LARP1: variants seen among roughly 807,000 people sequenced by gnomAD.
The protein encoded by LARP1 is la-related protein 1.
A neutral mutation model predicts 122.7 loss-of-function variants in LARP1; 36 were observed. The ratio of observed to expected loss-of-function variants is 0.29; its 90% confidence interval spans 0.22 to 0.39. The LOEUF is 0.39. Ranked by LOEUF, LARP1 falls within the 10% of genes least tolerant of loss-of-function variation. The pLI is 1.00. For missense variants in LARP1, 1,040 were observed against 1,403.6 expected (o/e 0.74, Z 4.14); for synonymous variants, 539 against 528.7 (o/e 1.02, Z -0.27).
At chr5:154,797,070 T>C (rs1031853337) in intron 8 of LARP1, among the ~76,000 whole-genome samples, 3 of 152,152 alleles carry the variant, frequency 2.0e-5, no homozygotes, top group Non-Finnish European at 2.9e-5. Context: ...AAAGGAATTC[T>C]AGTTCCTTTC....
chr5:154,814,885 CG>C lies in LARP1; in HGVS notation c.*790del, dbSNP rs1561642950. The C allele has an allele frequency of 6.7e-6, 1 of 148,452 alleles. No individual in the cohort carries two copies. The highest frequency in any genetic ancestry group is 2.5e-5 in the African/African-American group (1 of 40,064). The allele number at this position is 148,452 out of a possible 1,614,324, so 9.2% of individuals were successfully genotyped here. A position where few individuals can be genotyped will look rare whatever the true frequency, so the allele number is the denominator to read the frequency against. On this transcript the variant is annotated 3_prime_UTR_variant, in exon 19 of 19. Coordinates refer to ENST00000518297, the MANE Select transcript of LARP1 (RefSeq NM_033551.3). ...GAAAAAAGAAGAAAAAAGACAAAAT[CG>C]ACCATAAAAGACCAAAAAAAAAAAA...
intron 1 of LARP1, among the ~76,000 whole-genome samples, chr5:154,750,220 A>C (rs970033919): frequency 6.6e-6 from 1 of 152,220 alleles, no homozygotes; most frequent in Middle Eastern, 3.4e-3. Context: ...ACGGGGTCTC[A>C]CTCTATTCCC....
chr5:154,764,851 G>A (rs1754790835), intron 1 of LARP1, among the ~76,000 whole-genome samples: 1 of 148,696 alleles, frequency 6.7e-6, no homozygotes, highest in Admixed American at 6.7e-5. Context: ...GTTGCAGTGA[G>A]CCGAGATCAT....
chr5:154,809,480 G>T (rs1424295130), intron 16 of LARP1, among the ~76,000 whole-genome samples: 2 of 151,384 alleles, frequency 1.3e-5, no homozygotes, highest in African/African-American at 4.9e-5. Flanking sequence ...AAGCTTCCTA[G>T]TTTCTTCTTG....
At chr5:154,745,178 G>A (rs1582264329) in intron 1 of LARP1, among the ~76,000 whole-genome samples, 4 of 151,926 alleles carry the variant, frequency 2.6e-5, no homozygotes, top group South Asian at 4.2e-4. Flanking sequence ...CGCCCGCCTC[G>A]GCCTCCCAAA....
At position 154,803,264 on chromosome 5, in the gene LARP1, C is replaced by A; in HGVS notation, c.2110-26C>A. The A allele has an allele frequency of 6.2e-7, 1 of 1,614,150 alleles. No homozygotes were observed. The highest frequency in any genetic ancestry group is 8.5e-7 in the Non-Finnish European group (1 of 1,180,018). On this transcript the variant is annotated intron_variant, in intron 11 of 18. Coordinates refer to ENST00000518297, the MANE Select transcript of LARP1 (RefSeq NM_033551.3). This position sits in a 1 kb window ranked among gnomAD's most constrained non-coding sequence, Gnocchi z 4.4. ...GAGCAGCCTGCTTACTTACATCTTT[C>A]CCCACTCATCTCATGACCTCTGCAG...
At chr5:154,764,618 A>G (rs1006372566) in intron 1 of LARP1, among the ~76,000 whole-genome samples, 2 of 150,074 alleles carry the variant, frequency 1.3e-5, no homozygotes, top group Admixed American at 1.3e-4. Flanking sequence ...AAAAAAAAAA[A>G]AACTGGCTGG....
At chr5:154,729,480 G>T (rs1319572970) in intron 1 of LARP1, 1 of 389,000 alleles carries the variant, frequency 2.6e-6, no homozygotes, top group Admixed American at 3.1e-5. Context: ...CTTGCCAAGA[G>T]AATTAATCTG....
chr5:154,754,366 T>A (rs1032241551), upstream of LARP1, among the ~76,000 whole-genome samples: 29 of 152,164 alleles, frequency 1.9e-4, no homozygotes, highest in African/African-American at 6.8e-4. Flanking sequence ...ACTGCTGTCA[T>A]ACACTGCTCC....
intron 1 of LARP1, among the ~76,000 whole-genome samples, chr5:154,724,685 G>A (rs1554080742): frequency 2.2e-5 from 3 of 137,560 alleles, no homozygotes; most frequent in Non-Finnish European, 3.2e-5. Context: ...TTTTTTTTTA[G>A]GACAAGGTCT....
At chr5:154,795,834 TTTTATATATA>T (rs1236359737) in intron 8 of LARP1, among the ~76,000 whole-genome samples, 16 of 136,344 alleles carry the variant, frequency 1.2e-4, no homozygotes, top group African/African-American at 4.1e-4. Context: ...TATATATATA[TTTTATATATA>T]TTTATATATA....
rs190803089 is a variant in LARP1 at position 154,745,724 on chromosome 5, C to T, written c.205+32594C>T. Among the ~76,000 whole-genome samples, 6 of 151,688 alleles carry T rather than the reference C, an allele frequency of 4.0e-5. No individual in the cohort carries two copies. The East Asian group carries it at 9.7e-4, about 24-fold the overall frequency. ...TTTTACAGATGGAGACACTGAAACT[C>T]AGAGAAAGAAAGTGACTTGCCTGAG... is the stretch of plus-strand genomic sequence containing the variant. On this transcript the variant is annotated intron_variant, in intron 1 of 18. Coordinates refer to the LARP1 transcript ENST00000336314.
Position 154,756,179 on chromosome 5 carries a change from G to C in LARP1, c.422G>C (p.Gly141Ala). Residue 141 changes from glycine (G) to alanine (A), a missense_variant, in exon 1 of 19, where the codon GGA (glycine) becomes GCA (alanine). By Grantham distance (60) the Gly-to-Ala change is moderately conservative. This residue lies in a region of LARP1 where 257 missense variants were observed against 273.3 expected (regional missense o/e 0.94). Coordinates refer to ENST00000518297, the MANE Select transcript of LARP1 (RefSeq NM_033551.3). ...ALPPVLTTVN[G>A]QSPPEHSAPA... The stretch of plus-strand genomic sequence containing the variant: ...CCGCCGGTCCTGACCACCGTGAACG[G>C]ACAGTCCCCCCCAGGTGGGTCTCCC... 1.5e-6 allele frequency: 2 copies of C among 1,309,746 alleles called. No individual in the cohort carries two copies. Among genetic ancestry groups the C allele is most frequent in the Non-Finnish European group, 2.0e-6 (2 of 995,382 alleles). 81.1% of individuals were successfully genotyped at this position (1,309,746 alleles called of 1,614,324 possible). A position where few individuals can be genotyped will look rare whatever the true frequency, so the allele number is the denominator to read the frequency against.
rs1313191266 is a variant in LARP1, at chr5:154,815,989, G to C, written c.*1893G>C. ...CCTTTTCAACTGGTTCCTCTGTTGG[G>C]CCCAAAGGTTGGGAGTAGGAGACAG... On this transcript the variant is annotated 3_prime_UTR_variant, in exon 19 of 19. Transcript: ENST00000518297. 6.6e-6 allele frequency: 1 copy of C among 152,274 alleles called. No homozygotes were observed. Among genetic ancestry groups the C allele is most frequent in the South Asian group, 2.1e-4 (1 of 4,832 alleles). 9.4% of individuals were successfully genotyped at this position (152,274 alleles called of 1,614,324 possible).
At chr5:154,697,817 T>G (rs114779583) in intron 1 of LARP1, among the ~76,000 whole-genome samples, 1,747 of 152,228 alleles carry the variant, frequency 0.011, 27 homozygotes, top group African/African-American at 0.039. Context: ...GGATTTGTTT[T>G]TTGTTTGTTG....
intron 1 of LARP1, among the ~76,000 whole-genome samples, chr5:154,723,688 A>T (rs1414211270): frequency 1.3e-5 from 2 of 152,254 alleles, no homozygotes; most frequent in Non-Finnish European, 1.5e-5. Context: ...CAACTGCATT[A>T]TACAGATGAG....
Position 154,811,271 on chromosome 5 carries a change from A to G in LARP1, c.2868A>G (p.Arg956=). 6.2e-7 allele frequency: 1 copy of G among 1,614,122 alleles called. No individual in the cohort carries two copies. The highest frequency in any genetic ancestry group is 8.5e-7 in the Non-Finnish European group (1 of 1,180,020). The change falls in exon 17 of 19, where the codon CGA becomes CGG. Residue 956 remains arginine, a synonymous_variant. Coordinates refer to ENST00000518297, the MANE Select transcript of LARP1 (RefSeq NM_033551.3). ...GYRYGLECLF[R]YYSYGLEKKF... The stretch of plus-strand genomic sequence containing the variant: ...GATATGGTTTGGAGTGCCTTTTTCG[A>G]TACTACAGTTATGGCCTGGAAAAGA...
At chr5:154,813,331 G>A (rs1213025033) in intron 18 of LARP1, among the ~76,000 whole-genome samples, 1 of 152,144 alleles carries the variant, frequency 6.6e-6, no homozygotes, top group Non-Finnish European at 1.5e-5. Flanking sequence ...GTCTGTCTTC[G>A]GGGTTATAAG....
intron 8 of LARP1, 82 bp downstream of exon 8, chr5:154,795,401 C>T: frequency 7.1e-7 from 1 of 1,414,468 alleles, no homozygotes; most frequent in South Asian, 1.3e-5. Flanking sequence ...GCAGAAAGCC[C>T]TGGAAGAGTC....
Sources: gnomAD v4.1 joint callset for allele counts (sites outside exome capture counted in the v4.1 genomes callset) on GRCh38, gnomAD v4.1.1 for gene constraint, gnomAD v4.1.1 regional missense constraint, Gnocchi (gnomAD v3.1) non-coding constraint, MANE v1.5 for transcripts, NCBI Gene and HGNC (gene_info 2026-07-23, HGNC 2026-07-21) for gene names.